RACGAP1: variants seen among roughly 807,000 people sequenced by gnomAD.
RACGAP1 encodes Rac GTPase activating protein 1.
In RACGAP1, 30 loss-of-function variants were observed where a neutral mutation model predicts 78.1. The ratio of observed to expected loss-of-function variants is 0.38; its 90% CI spans 0.29 to 0.52. RACGAP1 has a LOEUF of 0.52. Ranked by LOEUF, RACGAP1 falls within the 20% of genes least tolerant of loss-of-function variation. The probability of loss-of-function intolerance (pLI) is 0.82; values close to 1 mark genes in which losing one functional copy is unlikely to be tolerated. For missense variants in RACGAP1, 587 were observed against 777.1 expected, an observed-to-expected ratio of 0.76 and a Z score of 2.91; for synonymous variants, 231 against 264.8, an observed-to-expected ratio of 0.87 and a Z score of 1.24.
intron 2 of RACGAP1, among the ~76,000 whole-genome samples, chr12:50,014,869 C>G (rs1448581513): frequency 1.3e-5 from 2 of 151,744 alleles, no homozygotes; most frequent in Non-Finnish European, 2.9e-5. Flanking sequence ...ATGACAAAAC[C>G]CCATCTCTAC....
At chr12:49,998,990 G>A in intron 9 of RACGAP1, 151 bp downstream of exon 9, 1 of 966,932 alleles carries the variant, frequency 1.0e-6, no homozygotes, top group Non-Finnish European at 1.4e-6. Context: ...ACTTACCTCT[G>A]TAACCAATAG....
At chr12:49,998,342 T>G (rs1316724723) in intron 9 of RACGAP1, among the ~76,000 whole-genome samples, 1 of 151,546 alleles carries the variant, frequency 6.6e-6, no homozygotes, top group Non-Finnish European at 1.5e-5. Context: ...AGGCAGAGGT[T>G]GCAGTGAGCC....
intron 2 of RACGAP1, among the ~76,000 whole-genome samples, chr12:50,016,318 G>A (rs750085147): frequency 6.6e-6 from 1 of 151,890 alleles, no homozygotes; most frequent in Non-Finnish European, 1.5e-5. Context: ...GGGAGCAGAG[G>A]TTGCAGTGAG....
At chr12:50,023,200 C>G (rs1022131219) in intron 1 of RACGAP1, among the ~76,000 whole-genome samples, 2 of 152,178 alleles carry the variant, frequency 1.3e-5, no homozygotes, top group African/African-American at 4.8e-5. Context: ...TTTCCTTAGA[C>G]TAGATTTCCA....
At chr12:50,004,153 CAGAAG>C in intron 5 of RACGAP1, 77 bp downstream of exon 5, 1 of 1,511,142 alleles carries the variant, frequency 6.6e-7, no homozygotes, top group African/African-American at 1.4e-5. Flanking sequence ...ATAGGATGTT[CAGAAG>C]AGAAGACAGG....
Position 49,990,258 on chromosome 12 carries a change from A to G in RACGAP1, c.*10T>C. ...CAGTCAATGCTGGGAAGTAACAGGC[A>G]GATGTGACTTCACTTGAGCATTGGA... On this transcript the variant is annotated 3_prime_UTR_variant, in exon 17 of 17. Coordinates refer to ENST00000312377, the MANE Select transcript of RACGAP1 (RefSeq NM_001319999.2). The G allele has an allele frequency of 1.9e-6, 3 of 1,606,390 alleles. No individual in the cohort carries two copies. Among genetic ancestry groups the G allele is most frequent in the African/African-American group, 1.3e-5 (1 of 74,882 alleles).
upstream of RACGAP1, chr12:50,025,591 A>C (rs1950247000): frequency 1.0e-6 from 1 of 964,186 alleles, no homozygotes; most frequent in African/African-American, 1.8e-5. Flanking sequence ...CGGGAACGGG[A>C]ATGAGCATGC....
intron 9 of RACGAP1, 81 bp from the exon 10 acceptor site, chr12:49,997,285 T>C: frequency 7.0e-7 from 1 of 1,420,298 alleles, no homozygotes; most frequent in Non-Finnish European, 9.3e-7. Context: ...TTTTTTTTTT[T>C]TTTTTTTGAG....
intron 10 of RACGAP1, among the ~76,000 whole-genome samples, chr12:49,995,407 G>C (rs1312048405): frequency 6.6e-6 from 1 of 151,944 alleles, no homozygotes; most frequent in Non-Finnish European, 1.5e-5. Flanking sequence ...ATAAGAACTT[G>C]TAAGATCAGG....
chr12:49,997,333 GGT>G (rs1331103399), intron 9 of RACGAP1, 129 bp from the exon 10 acceptor site: 10 of 1,297,830 alleles, frequency 7.7e-6, no homozygotes, highest in Non-Finnish European at 9.9e-6. Flanking sequence ...GGAGTGCAGT[GGT>G]GTGATTTCAG....
intron 12 of RACGAP1, 31 bp downstream of exon 12, chr12:49,994,100 A>G (rs1428801116): frequency 2.6e-6 from 4 of 1,537,912 alleles, no homozygotes; most frequent in Non-Finnish European, 3.6e-6. Context: ...CCGTGGAGGA[A>G]TTCATATTCA....
At chr12:50,026,996 T>C (rs1235971519), upstream of RACGAP1, among the ~76,000 whole-genome samples, 1 of 152,152 alleles carries the variant, frequency 6.6e-6, no homozygotes, top group Non-Finnish European at 1.5e-5. Context: ...TAGCAGGCGT[T>C]CGGCTGACCC....
At chr12:50,002,339 T>C in intron 5 of RACGAP1, 39 bp from the exon 6 acceptor site, 1 of 1,567,198 alleles carries the variant, frequency 6.4e-7, no homozygotes, top group Non-Finnish European at 8.8e-7. Context: ...TTTTTTTGGT[T>C]AGGCCATCCC....
At chr12:50,005,162 T>C in intron 4 of RACGAP1, 94 bp downstream of exon 4, 3 of 1,561,364 alleles carry the variant, frequency 1.9e-6, no homozygotes, top group Non-Finnish European at 2.6e-6. Flanking sequence ...TCAGCACACA[T>C]TCTAGAAGAA....
intron 2 of RACGAP1, among the ~76,000 whole-genome samples, chr12:50,008,616 CTGAG>C (rs1949122400): frequency 6.6e-6 from 1 of 152,076 alleles, no homozygotes; most frequent in Non-Finnish European, 1.5e-5. Context: ...CCTCAGCTTC[CTGAG>C]TAACTGGGAC....
At chr12:50,003,498 A>G (rs979092779) in intron 5 of RACGAP1, among the ~76,000 whole-genome samples, 3 of 152,240 alleles carry the variant, frequency 2.0e-5, no homozygotes, top group Non-Finnish European at 4.4e-5. Context: ...ACTCCTAGCC[A>G]TGTAACAAAT....
intron 5 of RACGAP1, among the ~76,000 whole-genome samples, chr12:50,003,897 C>T (rs1948825500): frequency 6.6e-6 from 1 of 152,118 alleles, no homozygotes; most frequent in African/African-American, 2.4e-5. Flanking sequence ...AGCAAATAAA[C>T]CCTGACGACA....
intron 2 of RACGAP1, among the ~76,000 whole-genome samples, chr12:50,008,251 T>C (rs1263193307): frequency 6.7e-6 from 1 of 149,258 alleles, no homozygotes; most frequent in Non-Finnish European, 1.5e-5. Context: ...CAGGCAGAAG[T>C]GCAATGGCGC....
intron 9 of RACGAP1, 83 bp downstream of exon 9, chr12:49,999,058 C>A: frequency 7.1e-7 from 1 of 1,416,038 alleles, no homozygotes. Context: ...AACTTTATAA[C>A]ACTAAAGTAT....
Sources: allele counts gnomAD v4.1 joint callset (sites outside exome capture counted in the v4.1 genomes callset), GRCh38; gene constraint gnomAD v4.1.1; transcripts MANE v1.5; gene names NCBI Gene and HGNC (gene_info 2026-07-23, HGNC 2026-07-21).